EFCAB8: variants seen among roughly 807,000 people sequenced by gnomAD.
EFCAB8 encodes the protein EF-hand calcium binding domain 8, also known as EF-hand calcium-binding domain-containing protein 8.
A neutral mutation model predicts 116.3 loss-of-function variants in EFCAB8; 100 were observed. That is an observed-to-expected ratio of 0.86 (90% CI 0.73 to 1.02). The LOEUF is 1.02. EFCAB8 is among the 50% of genes least tolerant of loss of function. The probability of loss-of-function intolerance (pLI) is 0.00; values close to 1 mark genes in which losing one functional copy is unlikely to be tolerated. For synonymous variants in EFCAB8, 558 were observed against 567.9 expected (o/e 0.98, Z 0.25); for missense variants, 1,320 against 1,416.9 (o/e 0.93, Z 1.10).
At chr20:32,859,491 C>G (rs1983992632) in intron 1 of EFCAB8, among the ~76,000 whole-genome samples, 1 of 152,158 alleles carries the variant, frequency 6.6e-6, no homozygotes, top group Non-Finnish European at 1.5e-5. Context: ...GCAACCAGCA[C>G]TTTTTTTCCC....
At chr20:32,935,837 T>C (rs1988101853) in intron 22 of EFCAB8, among the ~76,000 whole-genome samples, 1 of 152,144 alleles carries the variant, frequency 6.6e-6, no homozygotes, top group Non-Finnish European at 1.5e-5. Flanking sequence ...ATTCGTTTTC[T>C]GGCTATTGAG....
rs571052063 is a variant in EFCAB8 at position 32,905,759 on chromosome 20, C to CAAAAAAAAAAAAAAAAAA, written c.1089-789_1089-788insAAAAAAAAAAAAAAAAAA. Among the ~76,000 whole-genome samples the CAAAAAAAAAAAAAAAAAA allele has an allele frequency of 2.3e-3, 166 of 71,412 alleles. 15 individuals are homozygous for CAAAAAAAAAAAAAAAAAA. The highest frequency in any genetic ancestry group is 3.5e-3 in the Non-Finnish European group (122 of 35,220). 46.8% of individuals were successfully genotyped at this position (71,412 alleles called of 152,430 possible). On this transcript the variant is annotated intron_variant, in intron 11 of 26. Transcript: ENST00000400522. ...TGGGCGACAGAGTGAGACTCCATCTCAAAAAAAAAAAAAAGGACATTCCTT... is the reference window on the plus strand; with the variant it reads ...TGGGCGACAGAGTGAGACTCCATCTCAAAAAAAAAAAAAAAAAAAAAAAAAAAAAAAAGGACATTCCTT...
intron 24 of EFCAB8, among the ~76,000 whole-genome samples, chr20:32,959,031 T>G (rs565979650): frequency 6.6e-6 from 1 of 152,284 alleles, no homozygotes; most frequent in Non-Finnish European, 1.5e-5. Context: ...TCCTACCCAC[T>G]CCATCCACTG....
intron 23 of EFCAB8, among the ~76,000 whole-genome samples, chr20:32,944,495 T>C (rs1431158694): frequency 5.3e-5 from 8 of 152,116 alleles, no homozygotes; most frequent in Admixed American, 5.2e-4. Context: ...ATAAAGTGAC[T>C]TATGTGCCAC....
At chr20:32,885,403 G>A (rs1489342803) in intron 5 of EFCAB8, 102 bp from the exon 6 acceptor site, 68 of 1,474,338 alleles carry the variant, frequency 4.6e-5, no homozygotes, top group Non-Finnish European at 5.5e-5. Context: ...ACGCTCCGCC[G>A]GCTTTTGTCC....
intron 20 of EFCAB8, among the ~76,000 whole-genome samples, chr20:32,921,612 A>G (rs1245598701): frequency 6.6e-6 from 1 of 152,124 alleles, no homozygotes; most frequent in African/African-American, 2.4e-5. Context: ...AAAAAATAAA[A>G]ATAAAAGTCC....
At chr20:32,951,220 C>G (rs1987551774) in intron 23 of EFCAB8, among the ~76,000 whole-genome samples, 1 of 152,182 alleles carries the variant, frequency 6.6e-6, no homozygotes, top group African/African-American at 2.4e-5. Context: ...CGGGTAAAGA[C>G]TACATACATA....
At chr20:32,938,045 A>G (rs552878314) in intron 22 of EFCAB8, among the ~76,000 whole-genome samples, 4 of 150,302 alleles carry the variant, frequency 2.7e-5, no homozygotes, top group African/African-American at 9.9e-5. Flanking sequence ...ATTTTTATGA[A>G]TATAGATACA....
At chr20:32,929,463 T>G in intron 20 of EFCAB8, among the ~76,000 whole-genome samples, 1 of 139,876 alleles carries the variant, frequency 7.1e-6, no homozygotes, top group Non-Finnish European at 1.5e-5. Context: ...CTCCCTTCCC[T>G]CCCCTCCCCT....
chr20:32,910,530 C>T (rs1360592895), intron 15 of EFCAB8, among the ~76,000 whole-genome samples: 1 of 152,116 alleles, frequency 6.6e-6, no homozygotes, highest in Non-Finnish European at 1.5e-5. Flanking sequence ...AGGTGCGCCG[C>T]ATCGGCTGCA....
chr20:32,958,568 G>A lies in EFCAB8; in HGVS notation c.3089+18G>A. 1 of 415,398 alleles carries A rather than the reference G, an allele frequency of 2.4e-6. No homozygotes were observed. Among genetic ancestry groups the A allele is most frequent in the Non-Finnish European group, 4.4e-6 (1 of 226,214 alleles). The allele number at this position is 415,398 out of a possible 1,614,324, so 25.7% of individuals were successfully genotyped here. A position where few individuals can be genotyped will look rare whatever the true frequency, so the allele number is the denominator to read the frequency against. ...GAGCTGCAGTGAGTGAGCACAGCCT[G>A]CTTGATCTTCTCTGGCCTGAGGAGG... On this transcript the variant is annotated intron_variant, in intron 24 of 26. Coordinates refer to ENST00000400522, the MANE Select transcript of EFCAB8 (RefSeq NM_001143967.2).
At chr20:32,933,303 A>G (rs1388964394) in intron 22 of EFCAB8, among the ~76,000 whole-genome samples, 1 of 152,194 alleles carries the variant, frequency 6.6e-6, no homozygotes, top group East Asian at 1.9e-4. Flanking sequence ...AATTTCCTAT[A>G]CCATCAAGTA....
At chr20:32,876,079 A>AG (rs1383104601) in intron 4 of EFCAB8, 35 bp downstream of exon 4, 2 of 1,533,736 alleles carry the variant, frequency 1.3e-6, no homozygotes, top group African/African-American at 2.8e-5. Context: ...CAGGTGCTGG[A>AG]GGGAGGCTGG....
At chr20:32,860,874 G>T (rs1390905573) in intron 1 of EFCAB8, among the ~76,000 whole-genome samples, 2 of 152,010 alleles carry the variant, frequency 1.3e-5, no homozygotes, top group African/African-American at 2.4e-5. Context: ...GAGTAGCTGG[G>T]ACTACAGGGG....
chr20:32,877,603 G>A (rs932468020), intron 4 of EFCAB8, among the ~76,000 whole-genome samples: 2 of 152,180 alleles, frequency 1.3e-5, no homozygotes, highest in Non-Finnish European at 1.5e-5. Flanking sequence ...TAACCCCCTC[G>A]CATTCCTAGC....
intron 6 of EFCAB8, 57 bp downstream of exon 6, chr20:32,885,697 A>G: frequency 6.5e-7 from 1 of 1,536,464 alleles, no homozygotes. Flanking sequence ...CCTCTGCCTT[A>G]GCACCCCCAT....
intron 23 of EFCAB8, among the ~76,000 whole-genome samples, chr20:32,946,328 A>C (rs13040407): frequency 0.19 from 29,294 of 152,226 alleles, 3,658 homozygotes; most frequent in Middle Eastern, 0.28. Context: ...AATCTGCTTC[A>C]CTGAGCCAGG....
chr20:32,917,573 G>T, intron 18 of EFCAB8, 68 bp downstream of exon 18: 1 of 1,388,236 alleles, frequency 7.2e-7, no homozygotes, highest in Non-Finnish European at 9.9e-7. Flanking sequence ...CTGTGGGGCA[G>T]GGAGGGTGGG....
intron 6 of EFCAB8, among the ~76,000 whole-genome samples, chr20:32,885,891 A>C (rs971934128): frequency 7.2e-5 from 11 of 152,120 alleles, no homozygotes; most frequent in African/African-American, 2.4e-4. Context: ...CATTAGCCCA[A>C]ACAGGTGTCC....
Sources: allele counts gnomAD v4.1 joint callset (sites outside exome capture counted in the v4.1 genomes callset), GRCh38; gene constraint gnomAD v4.1.1; transcripts MANE v1.5; gene names NCBI Gene and HGNC (gene_info 2026-07-23, HGNC 2026-07-21).